SAG: variants seen among roughly 807,000 people sequenced by gnomAD.
SAG encodes the protein S-antigen visual arrestin.
In SAG, 45 loss-of-function variants were observed where a neutral mutation model predicts 55.0. That is an observed-to-expected ratio of 0.82 (90% CI 0.64 to 1.05). The LOEUF is 1.05. SAG is among the 50% of genes least tolerant of loss of function. The pLI is 0.00. For synonymous variants in SAG, 189 were observed against 197.4 expected, an observed-to-expected ratio of 0.96 and a Z score of 0.36; for missense variants, 455 against 512.1, an observed-to-expected ratio of 0.89 and a Z score of 1.08.
chr2:233,308,258 G>A (rs1285116354), intron 1 of SAG, among the ~76,000 whole-genome samples: 1 of 152,142 alleles, frequency 6.6e-6, no homozygotes, highest in African/African-American at 2.4e-5. Context: ...CCAGGAATTC[G>A]AGACCAACTT....
chr2:233,346,362 C>T (rs767274889), intron 14 of SAG, 41 bp from the exon 15 acceptor site: 2 of 1,608,284 alleles, frequency 1.2e-6, no homozygotes, highest in East Asian at 2.2e-5. Context: ...AAATGTCTCT[C>T]TCTCCCTCTT....
At chr2:233,309,485 A>G (rs771200528) in intron 2 of SAG, among the ~76,000 whole-genome samples, 1 of 152,110 alleles carries the variant, frequency 6.6e-6, no homozygotes, top group Non-Finnish European at 1.5e-5. Flanking sequence ...CATCTCTACT[A>G]AAAATACAAA....
At chr2:233,334,387 G>A (rs534210743) in intron 10 of SAG, 1 of 152,438 alleles carries the variant, frequency 6.6e-6, no homozygotes, top group East Asian at 1.9e-4. Flanking sequence ...CCATCTGTCA[G>A]ATGTTGAGAA....
At chr2:233,346,702 G>A in intron 15 of SAG, 105 bp from the exon 16 acceptor site, 1 of 856,964 alleles carries the variant, frequency 1.2e-6, no homozygotes, top group Non-Finnish European at 1.9e-6. Flanking sequence ...TCTATCATGG[G>A]GAAAACCTTG....
chr2:233,312,713 C>T (rs991214889), intron 2 of SAG, among the ~76,000 whole-genome samples: 6 of 152,170 alleles, frequency 3.9e-5, no homozygotes, highest in Admixed American at 1.3e-4. Context: ...CTCGGGGCCC[C>T]GGGCTTCGTA....
chr2:233,338,987 GCGCC>G, intron 12 of SAG: 1 of 615,062 alleles, frequency 1.6e-6, no homozygotes, highest in Admixed American at 2.3e-5. Context: ...TGCATTCTTA[GCGCC>G]ACTTTGCAAA....
At chr2:233,309,811 C>A (rs112150105) in intron 2 of SAG, among the ~76,000 whole-genome samples, 1 of 152,212 alleles carries the variant, frequency 6.6e-6, no homozygotes, top group South Asian at 2.1e-4. Context: ...CAGTTTTCTC[C>A]GAATCCCTCA....
chr2:233,309,247 A>T lies in SAG; in HGVS notation c.58A>T (p.Ile20Phe). 1 of 1,613,708 alleles carries T rather than the reference A, an allele frequency of 6.2e-7. No homozygotes were observed. The highest frequency in any genetic ancestry group is 8.5e-7 in the Non-Finnish European group (1 of 1,179,690). The change falls in exon 2 of 16, where the codon ATC (isoleucine) becomes TTC (phenylalanine). Residue 20 changes from isoleucine to phenylalanine, a missense_variant. Ile to Phe is a conservative substitution (Grantham distance 21). Transcript: ENST00000409110. ...ACCGAACCATGTTATCTTCAAGAAG[A>T]TCTCCCGGGACAAATCGGTGAGTGG... ...SEPNHVIFKKISRDKSVTIYL... is the reference protein window; with the variant it reads ...SEPNHVIFKKFSRDKSVTIYL...
At position 233,319,954 on chromosome 2, in the gene SAG, C is replaced by T. The variant is rs920156732; in HGVS notation, c.182-676C>T. 1.0e-6 allele frequency: 1 copy of T among 985,506 alleles called. No homozygotes were observed. Among genetic ancestry groups the T allele is most frequent in the African/African-American group, 1.7e-5 (1 of 57,360 alleles). The allele number at this position is 985,506 out of a possible 1,614,324, so 61.0% of individuals were successfully genotyped here. On this transcript the variant is annotated intron_variant, in intron 4 of 15. Transcript: ENST00000409110. This position sits in a 1 kb window ranked among gnomAD's most constrained non-coding sequence, Gnocchi z 4.4. ...GTGCTTTATATTTGAGAAATATGTG[C>T]TTCGTGTCTTTTTTAGAAGGTGTAG...
intron 5 of SAG, among the ~76,000 whole-genome samples, chr2:233,321,558 A>G (rs746503914): frequency 5.3e-5 from 8 of 152,204 alleles, no homozygotes; most frequent in Non-Finnish European, 8.8e-5. Context: ...TGGAGTAATC[A>G]GATTCATACA....
chr2:233,346,297 C>CTT, intron 14 of SAG, 106 bp from the exon 15 acceptor site: 1 of 1,229,940 alleles, frequency 8.1e-7, no homozygotes, highest in Non-Finnish European at 1.2e-6. Flanking sequence ...ATTGTAAAGT[C>CTT]ACCTAAAAGG....
chr2:233,309,243 G>A lies in SAG; in HGVS notation c.54G>A (p.Lys18=). Residue 18 remains lysine, a synonymous_variant, in exon 2 of 16, where the codon AAG becomes AAA. Transcript: ENST00000409110. ...SKSEPNHVIF[K]KISRDKSVTI... ...CCGAACCGAACCATGTTATCTTCAA[G>A]AAGATCTCCCGGGACAAATCGGTGA... 1 of 1,613,790 alleles carries A rather than the reference G, an allele frequency of 6.2e-7. No homozygotes were observed. Among genetic ancestry groups the A allele is most frequent in the Non-Finnish European group, 8.5e-7 (1 of 1,179,756 alleles).
intron 7 of SAG, chr2:233,328,127 A>G (rs538328197): frequency 1.9e-5 from 4 of 207,486 alleles, no homozygotes; most frequent in South Asian, 3.3e-4. Flanking sequence ...TGGAGCTCGC[A>G]TGTATATGGC....
At chr2:233,334,418 T>A (rs1700861451) in intron 10 of SAG, 2 of 152,376 alleles carry the variant, frequency 1.3e-5, no homozygotes, top group Admixed American at 6.5e-5. Context: ...CGACTGATGA[T>A]GAAGAAGATC....
At chr2:233,312,145 G>A (rs1332256480) in intron 2 of SAG, among the ~76,000 whole-genome samples, 2 of 152,026 alleles carry the variant, frequency 1.3e-5, no homozygotes, top group African/African-American at 2.4e-5. Flanking sequence ...AAACAAATAA[G>A]TACCGACCTC....
rs577961175 is a variant in SAG at position 233,340,318 on chromosome 2, G to A, written c.1023-137G>A. ...ACAGGTAATGAAGTTGAACATTAAG[G>A]GATGGGAAGACCCTGGATGTTGTGA... On this transcript the variant is annotated intron_variant, in intron 12 of 15. Transcript: ENST00000409110. This position sits in a 1 kb window ranked among gnomAD's most constrained non-coding sequence, Gnocchi z 4.2. 264 of 694,760 alleles carry A rather than the reference G, an allele frequency of 3.8e-4. No individual in the cohort carries two copies. Among genetic ancestry groups the A allele is most frequent in the Non-Finnish European group, 6.1e-4 (236 of 387,972 alleles). 43.0% of individuals were successfully genotyped at this position (694,760 alleles called of 1,614,324 possible).
chr2:233,313,385 C>T (rs375195908), intron 2 of SAG, among the ~76,000 whole-genome samples: 300 of 152,286 alleles, frequency 2.0e-3, no homozygotes, highest in African/African-American at 6.4e-3. Context: ...CTCAGGGTGG[C>T]CACGCACAAG....
In SAG at chr2:233,329,565, A is replaced by G. The variant is rs370419891; in HGVS notation, c.721A>G (p.Ile241Val). The part of the protein sequence containing the change: ...TNNTEKTVKK[I>V]KAFVEQVANV... ...TAACACAGAGAAGACCGTGAAGAAG[A>G]TTAAAGCATTCGGTAGGACCTTCTT... Residue 241 changes from isoleucine (I) to valine (V), a missense_variant, in exon 9 of 16, where the codon ATT (isoleucine) becomes GTT (valine). Physicochemically the swap from Ile to Val is conservative, Grantham distance 29. Coordinates refer to ENST00000409110, the MANE Select transcript of SAG (RefSeq NM_000541.5). 3.0e-5 allele frequency: 48 copies of G among 1,608,994 alleles called. 1 individual carries two copies. Among genetic ancestry groups the G allele is most frequent in the Admixed American group, 2.2e-4 (13 of 60,022 alleles).
intron 2 of SAG, among the ~76,000 whole-genome samples, chr2:233,309,673 G>A (rs759691885): frequency 1.3e-5 from 2 of 152,122 alleles, no homozygotes; most frequent in Non-Finnish European, 2.9e-5. Flanking sequence ...CACTGTGAGG[G>A]CCAGGGAAGC....
Sources: allele counts gnomAD v4.1 joint callset (sites outside exome capture counted in the v4.1 genomes callset), GRCh38; gene constraint gnomAD v4.1.1; non-coding constraint Gnocchi (gnomAD v3.1); transcripts MANE v1.5; gene names NCBI Gene and HGNC (gene_info 2026-07-23, HGNC 2026-07-21).